The following EXOC1 variants were observed in gnomAD, a reference collection of about 807,000 sequenced individuals.
EXOC1 encodes the protein SEC3-like 1.
In EXOC1, 67 loss-of-function variants were observed where a neutral mutation model predicts 107.7. The ratio of observed to expected loss-of-function variants is 0.62; its 90% confidence interval spans 0.51 to 0.76. The LOEUF is 0.76. EXOC1 is among the 30% of genes least tolerant of loss of function. The pLI is 0.00. For missense variants in EXOC1, 833 were observed against 1,055.7 expected (o/e 0.79, Z 2.92); for synonymous variants, 348 against 353.5 (o/e 0.98, Z 0.17).
At chr4:55,871,815 A>G (rs772530076) in intron 7 of EXOC1, 34 bp from the exon 8 acceptor site, 60 of 1,593,664 alleles carry the variant, frequency 3.8e-5, no homozygotes, top group Non-Finnish European at 5.0e-5. Flanking sequence ...CTTTTTACCC[A>G]TTAAACTGGT....
chr4:55,891,431 C>T lies in EXOC1; in HGVS notation c.1647+9C>T. 6 of 1,544,356 alleles carry T rather than the reference C, an allele frequency of 3.9e-6. No individual in the cohort carries two copies. The highest frequency in any genetic ancestry group is 5.4e-6 in the Non-Finnish European group (6 of 1,116,764). Reference sequence around the variant, plus strand: ...GTATGCCTGGAACTATGGTATGGCTCACAGTGTATTTTGGATAGTATTTAT... The same window carrying T: ...GTATGCCTGGAACTATGGTATGGCTTACAGTGTATTTTGGATAGTATTTAT... On this transcript the variant is annotated intron_variant, in intron 13 of 18. Coordinates refer to ENST00000381295, the MANE Select transcript of EXOC1 (RefSeq NM_001024924.2).
chr4:55,870,710 A>G lies in EXOC1; in HGVS notation c.636A>G (p.Lys212=). Residue 212 remains lysine (K), a synonymous_variant, in exon 6 of 19, where the codon AAA becomes AAG. Transcript: ENST00000381295. ...TCCAGTCAATCATGGCATCTGAAAA[A>G]CAAGTCAACATCCTGATGAAATTGC... is the stretch of plus-strand genomic sequence containing the variant. The part of the protein sequence containing the change: ...ANIQSIMASE[K]QVNILMKLLD... 1 of 1,613,804 alleles carries G rather than the reference A, an allele frequency of 6.2e-7. No homozygotes were observed. The highest frequency in any genetic ancestry group is 8.5e-7 in the Non-Finnish European group (1 of 1,179,840).
At chr4:55,894,324 C>CAA (rs200900566) in intron 15 of EXOC1, among the ~76,000 whole-genome samples, 3 of 80,092 alleles carry the variant, frequency 3.7e-5, no homozygotes, top group Non-Finnish European at 5.1e-5. Flanking sequence ...AAGACTGTGT[C>CAA]AAAAAAAAAA....
chr4:55,899,103 T>C (rs996933735), intron 16 of EXOC1, among the ~76,000 whole-genome samples: 1 of 152,094 alleles, frequency 6.6e-6, no homozygotes, highest in African/African-American at 2.4e-5. Context: ...CTATAAATTA[T>C]CTCACTATTT....
chr4:55,886,603 C>T (rs973259633), intron 10 of EXOC1, among the ~76,000 whole-genome samples: 2 of 150,894 alleles, frequency 1.3e-5, no homozygotes, highest in African/African-American at 2.4e-5. Flanking sequence ...GAAATGTAAC[C>T]CCATCGTAAG....
At chr4:55,873,198 A>G (rs1722596891) in intron 8 of EXOC1, among the ~76,000 whole-genome samples, 1 of 152,084 alleles carries the variant, frequency 6.6e-6, no homozygotes, top group Non-Finnish European at 1.5e-5. Context: ...AGTCTAGGGA[A>G]GCGAGACAAA....
At position 55,877,572 on chromosome 4, in the gene EXOC1, A is replaced by G. The variant is rs1417414239; in HGVS notation, c.1075-345A>G. 1.0e-5 allele frequency: 10 copies of G among 985,312 alleles called. No individual in the cohort carries two copies. The South Asian group carries it at 2.8e-4, about 28-fold the overall frequency. The allele number at this position is 985,312 out of a possible 1,614,324, so 61.0% of individuals were successfully genotyped here. ...GTGTTTCTTAATTCAAGCTATATCAAGAAGGTCATTTGCTTGGTAAATTGT... is the reference window on the plus strand; with the variant it reads ...GTGTTTCTTAATTCAAGCTATATCAGGAAGGTCATTTGCTTGGTAAATTGT... On this transcript the variant is annotated intron_variant, in intron 8 of 18. Coordinates refer to ENST00000381295, the MANE Select transcript of EXOC1 (RefSeq NM_001024924.2).
intron 3 of EXOC1, among the ~76,000 whole-genome samples, 156 bp downstream of exon 3, chr4:55,860,697 A>G (rs561287232): frequency 6.6e-4 from 101 of 152,232 alleles, no homozygotes; most frequent in Middle Eastern, 3.4e-3. Flanking sequence ...GTTTGTGCAC[A>G]AGCTACATAA....
At chr4:55,887,717 TC>T (rs745629535) in intron 10 of EXOC1, among the ~76,000 whole-genome samples, 72 of 145,234 alleles carry the variant, frequency 5.0e-4, no homozygotes, top group Admixed American at 1.1e-3. Context: ...CCTAATGAGA[TC>T]CTGCCTCAAA....
chr4:55,891,461 T>C (rs1200835365), intron 13 of EXOC1, 39 bp downstream of exon 13: 1 of 1,314,530 alleles, frequency 7.6e-7, no homozygotes, highest in South Asian at 1.2e-5. Flanking sequence ...ATTTATGATC[T>C]GTAATATAAT....
intron 16 of EXOC1, among the ~76,000 whole-genome samples, chr4:55,898,648 C>T (rs369890144): frequency 4.6e-5 from 7 of 151,834 alleles, no homozygotes; most frequent in African/African-American, 1.7e-4. Context: ...ATTCCCTGTC[C>T]CTCTCTTCTA....
At chr4:55,885,890 A>G (rs776044962) in intron 10 of EXOC1, among the ~76,000 whole-genome samples, 2 of 152,152 alleles carry the variant, frequency 1.3e-5, no homozygotes, top group African/African-American at 2.4e-5. Context: ...TTTTTCAAAG[A>G]TATCTTTTCA....
At chr4:55,880,056 A>C (rs1012813722) in intron 9 of EXOC1, among the ~76,000 whole-genome samples, 26 of 152,144 alleles carry the variant, frequency 1.7e-4, no homozygotes, top group African/African-American at 6.3e-4. Flanking sequence ...CAGAAGGGTT[A>C]GGTAGAGATT....
Position 55,896,864 on chromosome 4 carries a change from G to A in EXOC1, c.2101G>A (p.Ala701Thr). The A allele has an allele frequency of 1.2e-6, 2 of 1,606,868 alleles. No homozygotes were observed. Among genetic ancestry groups the A allele is most frequent in the South Asian group, 1.1e-5 (1 of 89,220 alleles). Residue 701 changes from alanine (A) to threonine (T), a missense_variant, in exon 16 of 19, where the codon GCA becomes ACA. Transcript: ENST00000381295. ...TGAGCGTCGTGGAGACCTGGATAAA[G>A]CATACACCAAACTTATCAGAGGAGT... is the stretch of plus-strand genomic sequence containing the variant. ...NAERRGDLDK[A>T]YTKLIRGVFV... is the part of the protein sequence containing the mutation.
chr4:55,878,498 T>G (rs1723098335), intron 9 of EXOC1, among the ~76,000 whole-genome samples: 1 of 152,174 alleles, frequency 6.6e-6, no homozygotes, highest in Non-Finnish European at 1.5e-5. Context: ...AAGCATCTAC[T>G]CTAATGCGCT....
At chr4:55,875,917 T>G in intron 8 of EXOC1, 2 of 922,190 alleles carry the variant, frequency 2.2e-6, no homozygotes, top group Non-Finnish European at 2.6e-6. Flanking sequence ...AAAATAAATT[T>G]TTAAAAAATA....
Position 55,870,891 on chromosome 4 carries a change from A to C in EXOC1, c.817A>C (p.Ile273Leu). 1 of 1,613,128 alleles carries C rather than the reference A, an allele frequency of 6.2e-7. No homozygotes were observed. The highest frequency in any genetic ancestry group is 8.5e-7 in the Non-Finnish European group (1 of 1,179,338). ...TAATAATGTAAAACTCCTATCTGAG[A>C]TAGAGTTCCTTGTGGTAAGTATGAT... ...NTNNVKLLSEIEFLVNHMDLA... is the reference protein window; with the variant it reads ...NTNNVKLLSELEFLVNHMDLA... Residue 273 changes from isoleucine (I) to leucine (L), a missense_variant, in exon 6 of 19, where the codon ATA becomes CTA. Ile to Leu is a conservative substitution (Grantham distance 5, BLOSUM62 2). Transcript: ENST00000381295.
At chr4:55,862,204 T>A (rs184622279) in intron 3 of EXOC1, among the ~76,000 whole-genome samples, 1 of 152,360 alleles carries the variant, frequency 6.6e-6, no homozygotes, top group East Asian at 1.9e-4. Context: ...ATTTTTCCCT[T>A]CAGTAGTTTT....
Position 55,865,129 on chromosome 4 carries a change from A to G in EXOC1, c.415+743A>G, listed in dbSNP as rs566208860. On this transcript the variant is annotated intron_variant, in intron 4 of 18. Coordinates refer to ENST00000381295, the MANE Select transcript of EXOC1 (RefSeq NM_001024924.2). ...AGTGCCAGGTACATAGTAAGTGCTCAGTAAATATTAGCTATTATTATGTTA... is the reference window on the plus strand; with the variant it reads ...AGTGCCAGGTACATAGTAAGTGCTCGGTAAATATTAGCTATTATTATGTTA... Among the ~76,000 whole-genome samples, 5 of 152,354 alleles carry G rather than the reference A, an allele frequency of 3.3e-5. No individual in the cohort carries two copies. The South Asian group carries it at 6.2e-4, about 19-fold the overall frequency.
Sources: allele counts gnomAD v4.1 joint callset (sites outside exome capture counted in the v4.1 genomes callset), GRCh38; gene constraint gnomAD v4.1.1; transcripts MANE v1.5; gene names NCBI Gene and HGNC (gene_info 2026-07-23, HGNC 2026-07-21).